The following AGAP1 variants were observed in gnomAD, a reference collection of about 807,000 sequenced individuals.
AGAP1 encodes ArfGAP with GTPase domain, ankyrin repeat and PH domain 1.
Under a neutral mutation model 105.3 loss-of-function variants are expected in AGAP1, and 29 were observed. That is an observed-to-expected ratio of 0.28 (90% CI 0.21 to 0.38). The LOEUF is 0.38. AGAP1 is among the 10% of genes least tolerant of loss of function. The pLI, the probability that AGAP1 is intolerant of heterozygous loss-of-function variation, is 1.00. For synonymous variants in AGAP1, 509 were observed against 485.9 expected (o/e 1.05, Z -0.63); for missense variants, 998 against 1,165.1 (o/e 0.86, Z 2.09).
chr2:236,047,445 G>T (rs34413276), intron 15 of AGAP1, among the ~76,000 whole-genome samples: 4 of 151,246 alleles, frequency 2.6e-5, no homozygotes, highest in Non-Finnish European at 5.9e-5. Flanking sequence ...CTTCCTTCTC[G>T]TGCCACCTGT....
rs1385919509 is a variant in AGAP1, at chr2:235,875,377, G to T, written c.1051-7968G>T. On this transcript the variant is annotated intron_variant, in intron 9 of 17. Transcript: ENST00000304032. The surrounding 1 kb of genome is among the most constrained non-coding windows in gnomAD (Gnocchi z 4.0). ...CCACCGAGGTGCGAGTCTCACCATC[G>T]TGCTGTCTGCTGAGAGATCTGATTC... 1.3e-5 allele frequency among the ~76,000 whole-genome samples: 2 copies of T among 152,200 alleles called. No homozygotes were observed. Among genetic ancestry groups the T allele is most frequent in the Admixed American group, 1.3e-4 (2 of 15,286 alleles).
At chr2:235,755,058 C>T (rs558672707) in intron 6 of AGAP1, among the ~76,000 whole-genome samples, 2 of 152,044 alleles carry the variant, frequency 1.3e-5, no homozygotes, top group Admixed American at 1.3e-4. Context: ...GGTACCCAAC[C>T]GTTTGGATTC....
At chr2:236,115,853 G>A (rs551398734) in intron 16 of AGAP1, among the ~76,000 whole-genome samples, 38 of 152,300 alleles carry the variant, frequency 2.5e-4, no homozygotes, top group African/African-American at 9.1e-4. Flanking sequence ...CACCCAGGCT[G>A]GAGTGCAGTG....
rs1953745174 is a variant in AGAP1 at position 235,754,477 on chromosome 2, T to C, written c.673+3989T>C. Among the ~76,000 whole-genome samples the C allele has an allele frequency of 6.6e-6, 1 of 152,066 alleles. No individual in the cohort carries two copies. The highest frequency in any genetic ancestry group is 6.5e-5 in the Admixed American group (1 of 15,270). Reference sequence around the variant, plus strand: ...TTCCATTGCCCTGCGGAGGCCATGTTCCTGATTGGCTCTGTACCGAGGTTC... The same window carrying C: ...TTCCATTGCCCTGCGGAGGCCATGTCCCTGATTGGCTCTGTACCGAGGTTC... On this transcript the variant is annotated intron_variant, in intron 6 of 17. Transcript: ENST00000304032. This position sits in a 1 kb window ranked among gnomAD's most constrained non-coding sequence, Gnocchi z 4.6.
At chr2:235,630,434 C>T (rs1574999700) in intron 1 of AGAP1, among the ~76,000 whole-genome samples, 3 of 152,182 alleles carry the variant, frequency 2.0e-5, no homozygotes, top group Non-Finnish European at 4.4e-5. Context: ...TGGTCTCGAA[C>T]TCCTGACCTC....
At chr2:235,602,873 T>A (rs995351031) in intron 1 of AGAP1, among the ~76,000 whole-genome samples, 2 of 152,162 alleles carry the variant, frequency 1.3e-5, no homozygotes, top group Non-Finnish European at 2.9e-5. Flanking sequence ...GGCTAATTTT[T>A]GTATTTTTAG....
chr2:235,763,059 C>T (rs553130552), intron 6 of AGAP1, among the ~76,000 whole-genome samples: 40,583 of 148,794 alleles, frequency 0.27, 5,767 homozygotes, highest in Admixed American at 0.41. Flanking sequence ...TGTATGTGTG[C>T]GCGCGCGCGC....
chr2:236,039,873 T>C (rs2057494700), intron 14 of AGAP1, among the ~76,000 whole-genome samples: 1 of 152,214 alleles, frequency 6.6e-6, no homozygotes. Flanking sequence ...GATTGTTTAT[T>C]AATTTTATGT....
Position 236,069,633 on chromosome 2 carries a change from AGGCTGGTCTTGAAC to A in AGAP1, c.2114+20354_2114+20367del, listed in dbSNP as rs762712869. Among the ~76,000 whole-genome samples the A allele has an allele frequency of 2.4e-3, 362 of 152,342 alleles. 4 individuals are homozygous for A. The highest frequency in any genetic ancestry group is 4.1e-3 in the Non-Finnish European group (282 of 68,036). On this transcript the variant is annotated intron_variant, in intron 16 of 17. Coordinates refer to ENST00000304032, the MANE Select transcript of AGAP1 (RefSeq NM_001037131.3). Reference sequence around the variant, plus strand: ...GAGACGGGGTTTCACCATGTTGGCCAGGCTGGTCTTGAACGCCTGACCTCAAGTGATCTGCCCAC... The same window carrying A: ...GAGACGGGGTTTCACCATGTTGGCCAGCCTGACCTCAAGTGATCTGCCCAC...
rs1049237544 is a variant in AGAP1 at position 235,655,347 on chromosome 2, A to G, written c.164-53832A>G. On this transcript the variant is annotated intron_variant, in intron 1 of 17. Transcript: ENST00000304032. The surrounding 1 kb of genome is among the most constrained non-coding windows in gnomAD (Gnocchi z 4.3). ...ATAAATTGAGTAGGTGAAAAAGACA[A>G]TAGATGGAAAGCTGGAAAGTGATGT... 3.3e-5 allele frequency among the ~76,000 whole-genome samples: 5 copies of G among 152,158 alleles called. No individual in the cohort carries two copies. The highest frequency in any genetic ancestry group is 7.2e-5 in the African/African-American group (3 of 41,432).
rs145144814 is a variant in AGAP1, at chr2:235,583,412, T to A, written c.163+88563T>A. ...TGCCATATAACCCCAGCCATGGTGA[T>A]CTTACCAGAGAAACTCATTTGAACC... On this transcript the variant is annotated intron_variant, in intron 1 of 17. Coordinates refer to ENST00000304032, the MANE Select transcript of AGAP1 (RefSeq NM_001037131.3). Among the ~76,000 whole-genome samples the A allele has an allele frequency of 7.5e-4, 114 of 152,034 alleles. 2 individuals carry two copies. The East Asian group carries it at 0.016, about 22-fold the overall frequency.
rs939480781 is a variant in AGAP1 at position 236,087,146 on chromosome 2, C to G, written c.2115-33046C>G. Among the ~76,000 whole-genome samples, 4 of 152,120 alleles carry G rather than the reference C, an allele frequency of 2.6e-5. No homozygotes were observed. The highest frequency in any genetic ancestry group is 2.0e-4 in the Admixed American group (3 of 15,278). ...AAACAGAGCTGAAAAGGAAGAAGGC[C>G]CATTTGCTTCTGGGAATCCAATAAA... On this transcript the variant is annotated intron_variant, in intron 16 of 17. Coordinates refer to ENST00000304032, the MANE Select transcript of AGAP1 (RefSeq NM_001037131.3). The surrounding 1 kb of genome is among the most constrained non-coding windows in gnomAD (Gnocchi z 5.7).
chr2:236,077,567 C>T (rs2058673561), intron 16 of AGAP1, among the ~76,000 whole-genome samples: 1 of 152,154 alleles, frequency 6.6e-6, no homozygotes, highest in African/African-American at 2.4e-5. Context: ...GATCCACCCA[C>T]CTTGGCCTCC....
chr2:235,771,977 C>G (rs966675554), intron 6 of AGAP1, among the ~76,000 whole-genome samples: 1 of 135,180 alleles, frequency 7.4e-6, no homozygotes, highest in Non-Finnish European at 1.6e-5. Flanking sequence ...TTTCTTGTTT[C>G]TTTTTTTTTT....
In AGAP1 at chr2:235,725,711, G is replaced by T. The variant is rs1951611087; in HGVS notation, c.310+8067G>T. On this transcript the variant is annotated intron_variant, in intron 3 of 17. Coordinates refer to ENST00000304032, the MANE Select transcript of AGAP1 (RefSeq NM_001037131.3). The surrounding 1 kb of genome is among the most constrained non-coding windows in gnomAD (Gnocchi z 5.7). ...GGTTTAATAGATAAAGCAGAAGTCA[G>T]TTCAGCCATCTTCACTGATGATTTT... Among the ~76,000 whole-genome samples, 2 of 152,178 alleles carry T rather than the reference G, an allele frequency of 1.3e-5. No individual in the cohort carries two copies. Among genetic ancestry groups the T allele is most frequent in the South Asian group, 4.1e-4 (2 of 4,832 alleles).
In AGAP1 at chr2:235,865,336, G is replaced by A. The variant is rs780745182; in HGVS notation, c.1051-18009G>A. Among the ~76,000 whole-genome samples, 5 of 152,160 alleles carry A rather than the reference G, an allele frequency of 3.3e-5. No individual in the cohort carries two copies. The highest frequency in any genetic ancestry group is 5.9e-5 in the Non-Finnish European group (4 of 68,034). On this transcript the variant is annotated intron_variant, in intron 9 of 17. Transcript: ENST00000304032. The surrounding 1 kb of genome is among the most constrained non-coding windows in gnomAD (Gnocchi z 6.2). ...GCGGCTAATGACAGGAAGGTCGCGC[G>A]GGTGAGCTGACCTGTGTGTGGCGCA...
intron 16 of AGAP1, among the ~76,000 whole-genome samples, chr2:236,081,173 G>A (rs1480590743): frequency 6.6e-6 from 1 of 152,168 alleles, no homozygotes; most frequent in African/African-American, 2.4e-5. Flanking sequence ...TGCAGACAGA[G>A]TTGTCTGTTG....
chr2:235,579,295 A>G (rs934058684), intron 1 of AGAP1, among the ~76,000 whole-genome samples: 2 of 152,132 alleles, frequency 1.3e-5, no homozygotes, highest in African/African-American at 4.8e-5. Context: ...TCCTGGTGTG[A>G]CGTAACCTTT....
At chr2:235,627,433 C>T (rs1946678748) in intron 1 of AGAP1, among the ~76,000 whole-genome samples, 1 of 152,006 alleles carries the variant, frequency 6.6e-6, no homozygotes, top group Non-Finnish European at 1.5e-5. Flanking sequence ...TCATGTTGGC[C>T]CTGCTGGTCT....
Sources: gnomAD v4.1 joint callset for allele counts (sites outside exome capture counted in the v4.1 genomes callset) on GRCh38, gnomAD v4.1.1 for gene constraint, Gnocchi (gnomAD v3.1) non-coding constraint, MANE v1.5 for transcripts, NCBI Gene and HGNC (gene_info 2026-07-23, HGNC 2026-07-21) for gene names.